Variants in PIK3C2G observed in about 807,000 individuals in gnomAD.
The protein encoded by PIK3C2G is phosphatidylinositol 3-kinase C2 domain-containing subunit gamma.
PIK3C2G carries 168 observed loss-of-function variants against 181.1 expected under a neutral mutation model. That is an observed-to-expected ratio of 0.93 (90% CI 0.82 to 1.05). The LOEUF (loss-of-function observed/expected upper bound fraction) is 1.05, where lower values mean the gene tolerates loss of function less well. Among genes scored for constraint, PIK3C2G ranks in the 50% least tolerant of loss-of-function variants. The probability of loss-of-function intolerance (pLI) is 0.00; values close to 1 mark genes in which losing one functional copy is unlikely to be tolerated. For synonymous variants in PIK3C2G, 573 were observed against 592.2 expected (o/e 0.97, Z 0.47); for missense variants, 1,869 against 1,732.8 (o/e 1.08, Z -1.40).
the PIK3C2G span, among the ~76,000 whole-genome samples, chr12:18,697,487 T>C: frequency 6.6e-6 from 1 of 152,292 alleles, no homozygotes. Context: ...TAAATGTGAA[T>C]GATGACTAAG....
At chr12:18,619,749 T>C (rs202201559) in intron 31 of PIK3C2G, among the ~76,000 whole-genome samples, 63,530 of 150,782 alleles carry the variant, frequency 0.42, 14,366 homozygotes, top group East Asian at 0.74. Flanking sequence ...TAATTTTTTT[T>C]TTTTTTTTTT....
At chr12:18,723,627 T>C in the PIK3C2G span, 1 of 1,009,446 alleles carries the variant, frequency 9.9e-7, no homozygotes, top group Non-Finnish European at 1.5e-6. Flanking sequence ...TAACATGTAG[T>C]AATTTATACT....
intron 1 of PIK3C2G, among the ~76,000 whole-genome samples, chr12:18,262,859 A>G (rs1004551081): frequency 3.9e-5 from 6 of 152,186 alleles, no homozygotes; most frequent in African/African-American, 1.4e-4. Flanking sequence ...ATCATTTCCA[A>G]TCTAGAAAAG....
chr12:18,418,431 T>C (rs190893355), intron 16 of PIK3C2G, among the ~76,000 whole-genome samples: 179 of 152,290 alleles, frequency 1.2e-3, no homozygotes, highest in Admixed American at 3.7e-3. Flanking sequence ...TGAATATTAA[T>C]GGTAGAAGAA....
intron 5 of PIK3C2G, among the ~76,000 whole-genome samples, chr12:18,313,373 C>T (rs1333287110): frequency 6.6e-6 from 1 of 151,798 alleles, no homozygotes; most frequent in African/African-American, 2.4e-5. Context: ...GCTTGCTAAC[C>T]CTTTGATGTA....
At chr12:18,451,755 GTTTA>G (rs1947373594) in intron 18 of PIK3C2G, among the ~76,000 whole-genome samples, 1 of 152,168 alleles carries the variant, frequency 6.6e-6, no homozygotes, top group South Asian at 2.1e-4. Flanking sequence ...TCAATACCTA[GTTTA>G]TTGAGAGTTT....
intron 6 of PIK3C2G, among the ~76,000 whole-genome samples, chr12:18,317,489 T>C (rs1950920549): frequency 6.6e-6 from 1 of 152,228 alleles, no homozygotes; most frequent in African/African-American, 2.4e-5. Context: ...ATGCCGTTCA[T>C]AGTACTTGCC....
intron 16 of PIK3C2G, among the ~76,000 whole-genome samples, chr12:18,410,456 G>T (rs1260184907): frequency 6.8e-6 from 1 of 146,068 alleles, no homozygotes; most frequent in Admixed American, 7.1e-5. Flanking sequence ...AGTGAGCCAA[G>T]ATTGCGCTAC....
rs760971357 is a variant in PIK3C2G at position 18,371,232 on chromosome 12, G to A, written c.1801G>A (p.Val601Ile). 6.2e-6 allele frequency: 10 copies of A among 1,612,162 alleles called. No individual in the cohort carries two copies. The Admixed American group carries it at 6.7e-5, about 11-fold the overall frequency. Residue 601 changes from valine to isoleucine, a missense_variant, in exon 13 of 33, where the codon GTA (valine) becomes ATA (isoleucine). Val to Ile is a conservative substitution (Grantham distance 29). Transcript: ENST00000538779. ...ACTTCCAAGGGAATCCATGCTCACT[G>A]TAAAACTGTTTGGGATTGCCTGTGC... ...KSLPRESMLT[V>I]KLFGIACATN...
chr12:18,609,586 AG>A lies in PIK3C2G; in HGVS notation c.4141del (p.Asp1381MetfsTer2). On this transcript the variant is annotated frameshift_variant, in exon 31 of 33. Transcript: ENST00000538779. LOFTEE classifies it high-confidence loss of function. ...KPKVQLVISYEDVKLTILVKH... is the reference protein window; with the variant it reads ...KPKVQLVISYXDVKLTILVKH... ...AAGGTGCAGTTAGTCATATCCTACG[AG>A]GATGTGAAGCTGACCATACTAGTGA... The A allele has an allele frequency of 6.3e-7, 1 of 1,588,168 alleles. No individual in the cohort carries two copies. The highest frequency in any genetic ancestry group is 8.6e-7 in the Non-Finnish European group (1 of 1,165,588).
chr12:18,292,228 A>AAAAAAAAATATT (rs1949739580), intron 4 of PIK3C2G, among the ~76,000 whole-genome samples: 1 of 28,628 alleles, frequency 3.5e-5, no homozygotes, highest in Non-Finnish European at 7.5e-5. Flanking sequence ...AAAAAAAAAA[A>AAAAAAAAATATT]TATATATATA....
intron 5 of PIK3C2G, among the ~76,000 whole-genome samples, chr12:18,295,829 G>A (rs1027146655): frequency 1.3e-5 from 2 of 151,848 alleles, no homozygotes; most frequent in African/African-American, 4.8e-5. Context: ...ATTTACTACT[G>A]TTCTAGCATC....
intron 5 of PIK3C2G, among the ~76,000 whole-genome samples, chr12:18,313,270 A>G (rs1375182890): frequency 2.0e-5 from 3 of 152,204 alleles, no homozygotes; most frequent in African/African-American, 7.2e-5. Context: ...AAATATTTAT[A>G]GGCAAAAAAA....
intron 29 of PIK3C2G, among the ~76,000 whole-genome samples, chr12:18,582,365 G>T (rs971770096): frequency 2.0e-5 from 3 of 152,054 alleles, no homozygotes; most frequent in Non-Finnish European, 4.4e-5. Context: ...TTTTCACATG[G>T]ATCTTTGCAA....
intron 3 of PIK3C2G, among the ~76,000 whole-genome samples, chr12:18,289,217 T>G (rs2137180194): frequency 6.6e-6 from 1 of 152,246 alleles, no homozygotes; most frequent in South Asian, 2.1e-4. Flanking sequence ...TCAAAAGAGG[T>G]TCTCCAAAAC....
chr12:18,248,059 G>T (rs759932338), exon 1 of PIK3C2G: 8 of 152,094 alleles, frequency 5.3e-5, no homozygotes, highest in Non-Finnish European at 1.2e-4. Context: ...CCTGAGAATG[G>T]AGCTGACACA....
intron 32 of PIK3C2G, among the ~76,000 whole-genome samples, chr12:18,645,294 C>G (rs1415609799): frequency 2.1e-5 from 3 of 146,238 alleles, no homozygotes; most frequent in Non-Finnish European, 4.5e-5. Flanking sequence ...GAAAAGAGTA[C>G]TTACTATTTA....
At chr12:18,402,085 C>T (rs1371449527) in intron 16 of PIK3C2G, among the ~76,000 whole-genome samples, 1 of 152,108 alleles carries the variant, frequency 6.6e-6, no homozygotes, top group Non-Finnish European at 1.5e-5. Context: ...ATGTTTGTAA[C>T]AACATTATTC....
chr12:18,311,357 T>C (rs929261293), intron 5 of PIK3C2G, among the ~76,000 whole-genome samples: 9 of 152,134 alleles, frequency 5.9e-5, no homozygotes, highest in African/African-American at 2.2e-4. Context: ...TTTTAGTATA[T>C]GTTTCATGTA....
Sources: gnomAD v4.1 joint callset for allele counts (sites outside exome capture counted in the v4.1 genomes callset) on GRCh38, gnomAD v4.1.1 for gene constraint, MANE v1.5 for transcripts, NCBI Gene and HGNC (gene_info 2026-07-23, HGNC 2026-07-21) for gene names.